DCHS2: variants seen among roughly 807,000 people sequenced by gnomAD.
DCHS2 encodes the protein dachsous cadherin-related 2.
Under a neutral mutation model 182.4 loss-of-function variants are expected in DCHS2, and 142 were observed. That is an observed-to-expected ratio of 0.78 (90% CI 0.68 to 0.89). The LOEUF (loss-of-function observed/expected upper bound fraction) is 0.89, where lower values mean the gene tolerates loss of function less well. Among genes scored for constraint, DCHS2 ranks in the 40% least tolerant of loss-of-function variants. The pLI, the probability that DCHS2 is intolerant of heterozygous loss-of-function variation, is 0.00. For synonymous variants in DCHS2, 1,740 were observed against 1,663.3 expected (o/e 1.05, Z -1.12); for missense variants, 4,319 against 4,198.6 (o/e 1.03, Z -0.79).
At chr4:154,399,201 A>C (rs1456979791) in intron 1 of DCHS2, among the ~76,000 whole-genome samples, 3 of 152,158 alleles carry the variant, frequency 2.0e-5, no homozygotes, top group Admixed American at 6.5e-5. Context: ...GATTGGTTTT[A>C]AAATATGGTA....
intron 12 of DCHS2, 119 bp from the exon 13 acceptor site, chr4:154,298,827 G>A (rs1480266609): frequency 7.4e-7 from 1 of 1,359,996 alleles, no homozygotes; most frequent in Non-Finnish European, 9.6e-7. Context: ...CGATTATATT[G>A]TATCCTAGCA....
At chr4:154,393,750 G>A (rs1176413701) in intron 1 of DCHS2, among the ~76,000 whole-genome samples, 1 of 152,092 alleles carries the variant, frequency 6.6e-6, no homozygotes, top group African/African-American at 2.4e-5. Flanking sequence ...AGTCTAAGAT[G>A]TGCCACATCA....
At chr4:154,325,723 C>T (rs937742539) in intron 7 of DCHS2, among the ~76,000 whole-genome samples, 1 of 152,070 alleles carries the variant, frequency 6.6e-6, no homozygotes, top group Non-Finnish European at 1.5e-5. Flanking sequence ...ATTCAAGTGT[C>T]CTGAGAACTT....
intron 1 of DCHS2, chr4:154,384,417 A>G (rs781485815): frequency 5.6e-6 from 9 of 1,613,136 alleles, no homozygotes; most frequent in African/African-American, 4.0e-5. Context: ...TCTGAACACT[A>G]TAGCACCCCA....
intron 1 of DCHS2, among the ~76,000 whole-genome samples, chr4:154,477,795 A>T (rs571176737): frequency 6.6e-6 from 1 of 152,346 alleles, no homozygotes; most frequent in African/African-American, 2.4e-5. Flanking sequence ...CTTAGTCTTT[A>T]TGATTGTTAA....
chr4:154,395,255 C>T (rs1731879678), intron 1 of DCHS2, among the ~76,000 whole-genome samples: 2 of 152,110 alleles, frequency 1.3e-5, no homozygotes, highest in Non-Finnish European at 2.9e-5. Context: ...TTTATTTAAA[C>T]ACTGAACACC....
intron 1 of DCHS2, among the ~76,000 whole-genome samples, chr4:154,417,200 TGTGTGAGAGAGA>T (rs1481823149): frequency 3.3e-3 from 160 of 47,846 alleles, no homozygotes; most frequent in Admixed American, 4.3e-3. Context: ...TGTGTGTGTG[TGTGTGAGAGAGA>T]GAGAGAGAGA....
At chr4:154,461,284 T>C (rs182764374) in intron 1 of DCHS2, among the ~76,000 whole-genome samples, 68 of 152,356 alleles carry the variant, frequency 4.5e-4, no homozygotes, top group Admixed American at 7.8e-4. Context: ...TTTCCTTCAG[T>C]GTCCATTTGT....
In DCHS2 at chr4:154,464,808, T is replaced by G. The variant is rs76323103; in HGVS notation, c.2052+24496A>C. Among the ~76,000 whole-genome samples the G allele has an allele frequency of 1.1e-4, 17 of 152,290 alleles. No individual in the cohort carries two copies. In the East Asian group the frequency reaches 3.3e-3, roughly 29 times the overall value. ...GCCTACAAAGGGTTGGGGAAAGCCC[T>G]GCTGGACTCCCTCACTTTTGGCTGT... On this transcript the variant is annotated intron_variant, in intron 1 of 19. Transcript: ENST00000357232.
At chr4:154,336,191 C>T (rs1283029564) in intron 3 of DCHS2, among the ~76,000 whole-genome samples, 4 of 152,070 alleles carry the variant, frequency 2.6e-5, no homozygotes, top group Admixed American at 6.6e-5. Flanking sequence ...ACAAGAGTGA[C>T]GACTTAGGCT....
intron 1 of DCHS2, among the ~76,000 whole-genome samples, chr4:154,488,986 G>T (rs1309676562): frequency 6.6e-6 from 1 of 151,956 alleles, no homozygotes; most frequent in Non-Finnish European, 1.5e-5. Flanking sequence ...GAAGAGGTCT[G>T]ATTTAGAATG....
At chr4:154,280,995 T>C (rs1457653725) in intron 13 of DCHS2, among the ~76,000 whole-genome samples, 1 of 152,112 alleles carries the variant, frequency 6.6e-6, no homozygotes, top group African/African-American at 2.4e-5. Flanking sequence ...ACCTGGCTAA[T>C]TTTTGTATTT....
chr4:154,422,402 C>A (rs190258136), intron 1 of DCHS2, among the ~76,000 whole-genome samples: 14 of 152,304 alleles, frequency 9.2e-5, no homozygotes, highest in African/African-American at 3.1e-4. Context: ...CCTTGAGTCA[C>A]CCTTTTCTTT....
At chr4:154,335,162 C>CAATAGTAACACCTGGTCTATT in intron 3 of DCHS2, 58 bp from the exon 4 acceptor site, 1 of 1,079,460 alleles carries the variant, frequency 9.3e-7, no homozygotes, top group Non-Finnish European at 1.4e-6. Flanking sequence ...TACTGATGAG[C>CAATAGTAACACCTGGTCTATT]AATAGTAACA....
Position 154,490,317 on chromosome 4 carries a change from C to G in DCHS2, c.1039G>C (p.Gly347Arg). 6.5e-7 allele frequency: 1 copy of G among 1,544,766 alleles called. No homozygotes were observed. Among genetic ancestry groups the G allele is most frequent in the South Asian group, 1.2e-5 (1 of 83,954 alleles). ...ARQVPGAGSG[G>R]GALGDAAYFA... ...TAGGCCGCGTCGCCCAGTGCCCCGC[C>G]GCCGCTACCCGCCCCAGGCACTTGC... is the stretch of plus-strand genomic sequence containing the variant. The change falls in exon 1 of 20, where the codon GGC becomes CGC. Residue 347 changes from glycine (G) to arginine (R), a missense_variant. Coordinates refer to ENST00000357232, the MANE Select transcript of DCHS2 (RefSeq NM_001358235.2).
chr4:154,403,500 G>A (rs190241682), intron 1 of DCHS2, among the ~76,000 whole-genome samples: 20 of 151,898 alleles, frequency 1.3e-4, no homozygotes, highest in Admixed American at 6.6e-4. Context: ...GATAAACTCC[G>A]CCTGGTTTTA....
rs531721802 is a variant in DCHS2 at position 154,348,396 on chromosome 4, G to A, written c.2477-13292C>T. Among the ~76,000 whole-genome samples the A allele has an allele frequency of 2.6e-5, 4 of 151,962 alleles. No individual in the cohort carries two copies. In the South Asian group the frequency reaches 8.3e-4, roughly 31 times the overall value. On this transcript the variant is annotated intron_variant, in intron 3 of 19. Coordinates refer to ENST00000357232, the MANE Select transcript of DCHS2 (RefSeq NM_001358235.2). Reference sequence around the variant, plus strand: ...AAAGGTCATAAATTTGGCAATAATTGAGAAAAGAATCGAGTATTATTTTAA... The same window carrying A: ...AAAGGTCATAAATTTGGCAATAATTAAGAAAAGAATCGAGTATTATTTTAA...
chr4:154,248,869 A>T (rs925562513), intron 16 of DCHS2, among the ~76,000 whole-genome samples: 1 of 152,226 alleles, frequency 6.6e-6, no homozygotes, highest in Admixed American at 6.5e-5. Flanking sequence ...GTACTGGGAT[A>T]ACTGGCTAAC....
Position 154,259,549 on chromosome 4 carries a change from A to C in DCHS2, c.6785T>G (p.Ile2262Arg). The change falls in exon 15 of 20, where the codon ATA (isoleucine) becomes AGA (arginine). Residue 2262 changes from isoleucine to arginine, a missense_variant. Ile to Arg is a moderately conservative substitution (Grantham distance 97). Coordinates refer to ENST00000357232, the MANE Select transcript of DCHS2 (RefSeq NM_001358235.2). ...ACACAAATATATTTCTGTTACCTGT[A>C]TGACATGAGCATTGTAGAGTTGGCT... is the stretch of plus-strand genomic sequence containing the variant. ...SESQLYNAHV[I>R]QVFATDLDSG... 1 of 1,613,602 alleles carries C rather than the reference A, an allele frequency of 6.2e-7. No individual in the cohort carries two copies. The highest frequency in any genetic ancestry group is 8.5e-7 in the Non-Finnish European group (1 of 1,179,952).
Sources: gnomAD v4.1 joint callset for allele counts (sites outside exome capture counted in the v4.1 genomes callset) on GRCh38, gnomAD v4.1.1 for gene constraint, MANE v1.5 for transcripts, NCBI Gene and HGNC (gene_info 2026-07-23, HGNC 2026-07-21) for gene names.